The following NEO1 variants were observed in gnomAD, a reference collection of about 807,000 sequenced individuals.
NEO1 encodes the protein neogenin.
Under a neutral mutation model 159.7 loss-of-function variants are expected in NEO1, and 63 were observed. That is an observed-to-expected ratio of 0.39 (90% CI 0.32 to 0.49). The LOEUF (loss-of-function observed/expected upper bound fraction) is 0.49, where lower values mean the gene tolerates loss of function less well. Ranked by LOEUF, NEO1 falls within the 20% of genes least tolerant of loss-of-function variation. The pLI is 0.85. For synonymous variants in NEO1, 633 were observed against 662.0 expected (o/e 0.96, Z 0.67); for missense variants, 1,615 against 1,831.0 (o/e 0.88, Z 2.15).
In NEO1 at chr15:73,126,469, C is replaced by G. The variant is rs1253731189; in HGVS notation, c.777C>G (p.Val259=). The part of the protein sequence containing the change: ...LVFLKQPSPL[V]RVIGQDVVLP... Reference sequence around the variant, plus strand: ...TTTTGAAACAGCCTTCTCCCTTAGTCAGAGTCATTGGTCAGGATGTAGTGT... The same window carrying G: ...TTTTGAAACAGCCTTCTCCCTTAGTGAGAGTCATTGGTCAGGATGTAGTGT... Residue 259 remains valine (V), a synonymous_variant, in exon 4 of 29, where the codon GTC becomes GTG. Coordinates refer to ENST00000261908, the MANE Select transcript of NEO1 (RefSeq NM_002499.4). 6.2e-7 allele frequency: 1 copy of G among 1,612,918 alleles called. No individual in the cohort carries two copies. Among genetic ancestry groups the G allele is most frequent in the Non-Finnish European group, 8.5e-7 (1 of 1,179,652 alleles).
intron 1 of NEO1, among the ~76,000 whole-genome samples, chr15:73,083,894 A>C (rs1056917541): frequency 2.6e-5 from 4 of 152,144 alleles, no homozygotes; most frequent in Non-Finnish European, 5.9e-5. Flanking sequence ...GCCTCAAGGG[A>C]TCCTCCTGCC....
rs757508657 is a variant in NEO1 at position 73,122,745 on chromosome 15, G to A, written c.669G>A (p.Val223=). The A allele has an allele frequency of 4.3e-6, 7 of 1,614,202 alleles. No homozygotes were observed. Among genetic ancestry groups the A allele is most frequent in the African/African-American group, 1.3e-5 (1 of 75,038 alleles). Reference sequence around the variant, plus strand: ...ATGGCGGGCTTTATCGCTGCGTAGTGGAAAGTGGTGGGCCACCAAAGTATA... The same window carrying A: ...ATGGCGGGCTTTATCGCTGCGTAGTAGAAAGTGGTGGGCCACCAAAGTATA... ...EGDGGLYRCV[V]ESGGPPKYSD... Residue 223 remains valine, a synonymous_variant, in exon 3 of 29, where the codon GTG becomes GTA. Transcript: ENST00000261908.
Position 73,135,995 on chromosome 15 carries a change from CAATT to C in NEO1, c.984_987del (p.Ile329LysfsTer15), listed in dbSNP as rs1278579780. ...TGTATAGCTGATAATGGAAATGAGA[CAATT>C]GAAGCTCAAGCAGAGCTTACAGTGC... On this transcript the variant is annotated frameshift_variant, in exon 5 of 29. Transcript: ENST00000261908. LOFTEE classifies it high-confidence loss of function. 1 of 1,608,460 alleles carries C rather than the reference CAATT, an allele frequency of 6.2e-7. No individual in the cohort carries two copies. Among genetic ancestry groups the C allele is most frequent in the African/African-American group, 1.3e-5 (1 of 74,094 alleles).
At chr15:73,298,220 T>C (rs575253620) in intron 26 of NEO1, 128 bp from the exon 27 acceptor site, 2 of 1,105,146 alleles carry the variant, frequency 1.8e-6, no homozygotes, top group African/African-American at 3.1e-5. Context: ...ATCCATGTTC[T>C]CTTGGACTAG....
chr15:73,208,180 C>T (rs575997372), intron 7 of NEO1, among the ~76,000 whole-genome samples: 1 of 152,158 alleles, frequency 6.6e-6, no homozygotes, highest in African/African-American at 2.4e-5. Flanking sequence ...GCATATCTGT[C>T]AAGTCTTAAA....
chr15:73,101,871 C>T (rs924370317), intron 1 of NEO1, among the ~76,000 whole-genome samples: 1 of 152,152 alleles, frequency 6.6e-6, no homozygotes, highest in African/African-American at 2.4e-5. Flanking sequence ...TCCTCTATTG[C>T]AAAGAATATA....
Position 73,301,208 on chromosome 15 carries a change from C to T in NEO1, c.4166-113C>T. The stretch of plus-strand genomic sequence containing the variant: ...GTAACTTTTCAGAGCAGTATCCCTG[C>T]ACTGGGTCTGTATGTCTCTCTCACC... On this transcript the variant is annotated intron_variant, in intron 27 of 28. Coordinates refer to ENST00000261908, the MANE Select transcript of NEO1 (RefSeq NM_002499.4). 2.9e-6 allele frequency: 4 copies of T among 1,367,426 alleles called. No individual in the cohort carries two copies. The Admixed American group carries it at 8.4e-5, about 29-fold the overall frequency. 84.7% of individuals were successfully genotyped at this position (1,367,426 alleles called of 1,614,324 possible).
chr15:73,075,216 C>T (rs946915818), intron 1 of NEO1, among the ~76,000 whole-genome samples: 1 of 152,100 alleles, frequency 6.6e-6, no homozygotes, highest in Non-Finnish European at 1.5e-5. Flanking sequence ...GAACGTCCAG[C>T]AGCCTTTTAT....
intron 1 of NEO1, among the ~76,000 whole-genome samples, chr15:73,083,186 A>G (rs2069162799): frequency 6.6e-6 from 1 of 152,192 alleles, no homozygotes; most frequent in Admixed American, 6.5e-5. Context: ...TTAATGAGAA[A>G]TGAATTGGAG....
intron 8 of NEO1, among the ~76,000 whole-genome samples, chr15:73,242,289 A>T (rs577224304): frequency 1.4e-4 from 22 of 152,334 alleles, no homozygotes; most frequent in African/African-American, 4.8e-4. Context: ...TAACATCAAC[A>T]GTCTGTTAGT....
intron 14 of NEO1, chr15:73,259,120 AT>A (rs1038487612): frequency 0.011 from 3,501 of 314,388 alleles, 24 homozygotes; most frequent in African/African-American, 0.031. Context: ...TATAAGTTGG[AT>A]TTTTTTTTTA....
Position 73,270,105 on chromosome 15 carries a change from A to G in NEO1, c.2590A>G (p.Ile864Val). Residue 864 changes from isoleucine (I) to valine (V), a missense_variant, in exon 17 of 29, where the codon ATT (isoleucine) becomes GTT (valine). Around this residue, in one of 3 missense-constraint regions of NEO1, gnomAD observed 1,018 missense variants for 1,115.4 expected, o/e 0.91. Transcript: ENST00000261908. ...GCCACCAGTGGGAGTTCAGGCTTCC[A>G]TTCTGAGTCATGACACCATCAGGAT... is the stretch of plus-strand genomic sequence containing the variant. ...MMPPVGVQAS[I>V]LSHDTIRITW... The G allele has an allele frequency of 3.1e-6, 5 of 1,614,202 alleles. No homozygotes were observed. Among genetic ancestry groups the G allele is most frequent in the Non-Finnish European group, 4.2e-6 (5 of 1,180,044 alleles).
intron 22 of NEO1, among the ~76,000 whole-genome samples, chr15:73,280,728 C>A (rs1238510834): frequency 6.6e-6 from 1 of 152,048 alleles, no homozygotes; most frequent in African/African-American, 2.4e-5. Context: ...TTACCTTTTT[C>A]TCATAAATGA....
intron 5 of NEO1, among the ~76,000 whole-genome samples, chr15:73,160,869 G>A (rs2034124460): frequency 1.3e-5 from 2 of 152,106 alleles, no homozygotes; most frequent in East Asian, 1.9e-4. Context: ...TTGGCCACTG[G>A]TGATCAATTG....
intron 7 of NEO1, among the ~76,000 whole-genome samples, chr15:73,200,831 G>A (rs2036840355): frequency 6.6e-6 from 1 of 151,824 alleles, no homozygotes; most frequent in Non-Finnish European, 1.5e-5. Context: ...CCACAGGTGT[G>A]TGCCACCATG....
chr15:73,086,553 T>C (rs1263811463), intron 1 of NEO1, among the ~76,000 whole-genome samples: 1 of 146,446 alleles, frequency 6.8e-6, no homozygotes, highest in Non-Finnish European at 1.5e-5. Flanking sequence ...TCCATGAATA[T>C]AGTATGTCTT....
chr15:73,249,284 G>GC, intron 10 of NEO1, 76 bp downstream of exon 10: 1 of 1,469,972 alleles, frequency 6.8e-7, no homozygotes, highest in Non-Finnish European at 9.3e-7. Flanking sequence ...CTCAGTAGTT[G>GC]CTTGACTGGA....
At chr15:73,249,355 C>T (rs188812950) in intron 10 of NEO1, 147 bp downstream of exon 10, 859 of 1,062,630 alleles carry the variant, frequency 8.1e-4, no homozygotes, top group Non-Finnish European at 1.1e-3. Flanking sequence ...TTTCTTTGTA[C>T]CAAGATTTAT....
At position 73,215,251 on chromosome 15, in the gene NEO1, G is replaced by T. The variant is rs553431430; in HGVS notation, c.1292-21096G>T. Among the ~76,000 whole-genome samples the T allele has an allele frequency of 3.9e-5, 6 of 152,170 alleles. No homozygotes were observed. The South Asian group carries it at 1.0e-3, about 26-fold the overall frequency. ...GTGACAGTTTGACTTCCTCTTTACC[G>T]ATTTGGATGCCCTTTATTTCTTTCT... On this transcript the variant is annotated intron_variant, in intron 7 of 28. Coordinates refer to ENST00000261908, the MANE Select transcript of NEO1 (RefSeq NM_002499.4).
Sources: gnomAD v4.1 joint callset for allele counts (sites outside exome capture counted in the v4.1 genomes callset) on GRCh38, gnomAD v4.1.1 for gene constraint, gnomAD v4.1.1 regional missense constraint, MANE v1.5 for transcripts, NCBI Gene and HGNC (gene_info 2026-07-23, HGNC 2026-07-21) for gene names.